The following SUSD6 variants were observed in gnomAD, a reference collection of about 807,000 sequenced individuals.
SUSD6 encodes sushi domain containing 6.
Under a neutral mutation model 28.4 loss-of-function variants are expected in SUSD6, and 16 were observed. The ratio of observed to expected loss-of-function variants is 0.56; its 90% CI spans 0.38 to 0.86. The LOEUF (loss-of-function observed/expected upper bound fraction) is 0.86. SUSD6 is among the 40% of genes least tolerant of loss of function. SUSD6 has a pLI of 0.00. For synonymous variants in SUSD6, 147 were observed against 159.6 expected (o/e 0.92, Z 0.59); for missense variants, 341 against 384.2 (o/e 0.89, Z 0.94).
chr14:69,625,250 TAA>T (rs1270367203), intron 1 of SUSD6, among the ~76,000 whole-genome samples: 2 of 152,246 alleles, frequency 1.3e-5, no homozygotes, highest in Non-Finnish European at 2.9e-5. Flanking sequence ...TCTAGATGGT[TAA>T]GCAGTTAACT....
At chr14:69,649,397 T>A (rs920498518) in intron 1 of SUSD6, among the ~76,000 whole-genome samples, 1 of 152,206 alleles carries the variant, frequency 6.6e-6, no homozygotes, top group African/African-American at 2.4e-5. Flanking sequence ...AGCAGAGAGA[T>A]GTGATGACAC....
chr14:69,691,894 C>T (rs1886158048), intron 2 of SUSD6, among the ~76,000 whole-genome samples: 1 of 152,060 alleles, frequency 6.6e-6, no homozygotes, highest in South Asian at 2.1e-4. Context: ...CAAAAATTAG[C>T]CCGGTGTGGT....
intron 2 of SUSD6, among the ~76,000 whole-genome samples, chr14:69,693,561 T>G (rs1161472457): frequency 1.3e-5 from 2 of 152,232 alleles, no homozygotes; most frequent in Non-Finnish European, 2.9e-5. Flanking sequence ...AATAATCCTT[T>G]TTCTTTTTAC....
chr14:69,705,815 C>T (rs561060321), intron 4 of SUSD6, among the ~76,000 whole-genome samples: 7 of 152,200 alleles, frequency 4.6e-5, no homozygotes, highest in Admixed American at 1.3e-4. Flanking sequence ...TGTCTAGGGG[C>T]GAGGAGCATG....
chr14:69,668,641 A>AG (rs1885781132), intron 2 of SUSD6, among the ~76,000 whole-genome samples: 1 of 151,442 alleles, frequency 6.6e-6, no homozygotes, highest in Admixed American at 6.6e-5. Flanking sequence ...GTCTCAAAAA[A>AG]AAAAAAAGAA....
intron 1 of SUSD6, among the ~76,000 whole-genome samples, chr14:69,653,896 C>T (rs906840335): frequency 3.9e-5 from 6 of 152,036 alleles, no homozygotes; most frequent in Non-Finnish European, 5.9e-5. Flanking sequence ...TGGGTTCTCC[C>T]ATTCTGGGCA....
chr14:69,651,946 G>C (rs993470225), intron 1 of SUSD6, among the ~76,000 whole-genome samples: 17 of 152,122 alleles, frequency 1.1e-4, no homozygotes, highest in Admixed American at 3.3e-4. Context: ...TGTAATTAGC[G>C]GGTTAATTTC....
chr14:69,626,011 G>C (rs1350090377), intron 1 of SUSD6, among the ~76,000 whole-genome samples: 4 of 152,130 alleles, frequency 2.6e-5, no homozygotes, highest in Non-Finnish European at 5.9e-5. Context: ...AGAACAATCT[G>C]CCTGTTTGTG....
intron 2 of SUSD6, among the ~76,000 whole-genome samples, chr14:69,667,439 C>T (rs1020571426): frequency 4.8e-5 from 7 of 145,100 alleles, no homozygotes; most frequent in Admixed American, 2.8e-4. Flanking sequence ...TGCAGTGGTG[C>T]AATCTCGGCT....
chr14:69,675,564 A>C (rs901874658), intron 2 of SUSD6, among the ~76,000 whole-genome samples: 2 of 151,870 alleles, frequency 1.3e-5, no homozygotes, highest in African/African-American at 2.4e-5. Flanking sequence ...CTTGGGCCTG[A>C]AGAGGAATAA....
At chr14:69,645,394 C>T (rs1382556237) in intron 1 of SUSD6, among the ~76,000 whole-genome samples, 1 of 152,220 alleles carries the variant, frequency 6.6e-6, no homozygotes, top group Non-Finnish European at 1.5e-5. Flanking sequence ...TTTTTCCATT[C>T]ATGAATCCTA....
Position 69,632,652 on chromosome 14 carries a change from TA to T in SUSD6, c.-81+20836del, listed in dbSNP as rs200111208. Among the ~76,000 whole-genome samples, 400 of 143,724 alleles carry T rather than the reference TA, an allele frequency of 2.8e-3. 2 individuals are homozygous for T. The highest frequency in any genetic ancestry group is 4.1e-3 in the Non-Finnish European group (267 of 65,512). The allele number at this position is 143,724 out of a possible 152,430, so 94.3% of individuals were successfully genotyped here. A position where few individuals can be genotyped will look rare whatever the true frequency, so the allele number is the denominator to read the frequency against. On this transcript the variant is annotated intron_variant, in intron 1 of 5. Transcript: ENST00000342745. The stretch of plus-strand genomic sequence containing the variant: ...AATTACAGGAAATCACAACTAGCAT[TA>T]AAAAAAAAAAACAAAACACTGGGCA...
At chr14:69,695,863 A>G (rs1886217868) in intron 2 of SUSD6, among the ~76,000 whole-genome samples, 1 of 152,186 alleles carries the variant, frequency 6.6e-6, no homozygotes, top group African/African-American at 2.4e-5. Context: ...TGTTATTAGG[A>G]GGCTTCAGAA....
At chr14:69,652,117 A>C (rs371778583) in intron 1 of SUSD6, among the ~76,000 whole-genome samples, 2 of 152,270 alleles carry the variant, frequency 1.3e-5, no homozygotes, top group African/African-American at 4.8e-5. Flanking sequence ...AAAAGGATTT[A>C]TGTTGGTTTT....
chr14:69,626,184 A>G (rs1460302121), intron 1 of SUSD6, among the ~76,000 whole-genome samples: 1 of 151,224 alleles, frequency 6.6e-6, no homozygotes, highest in African/African-American at 2.4e-5. Context: ...TCCTCCTCAA[A>G]CTCAGTCCTG....
intron 1 of SUSD6, among the ~76,000 whole-genome samples, chr14:69,642,509 C>T (rs954059554): frequency 3.9e-5 from 6 of 152,176 alleles, no homozygotes; most frequent in African/African-American, 1.4e-4. Flanking sequence ...AAAGGCACTT[C>T]TTACATGGTG....
chr14:69,699,324 C>G (rs1171152998), intron 2 of SUSD6, among the ~76,000 whole-genome samples: 2 of 152,120 alleles, frequency 1.3e-5, no homozygotes, highest in Non-Finnish European at 2.9e-5. Flanking sequence ...GTGCCTCAGC[C>G]TCCTGAGTAG....
chr14:69,643,333 T>G (rs1330141705), intron 1 of SUSD6, among the ~76,000 whole-genome samples: 1 of 152,220 alleles, frequency 6.6e-6, no homozygotes, highest in Non-Finnish European at 1.5e-5. Flanking sequence ...ACAAATCTTA[T>G]GGTAATTCAG....
intron 4 of SUSD6, among the ~76,000 whole-genome samples, chr14:69,705,663 T>C (rs1886377920): frequency 6.6e-6 from 1 of 152,234 alleles, no homozygotes; most frequent in Admixed American, 6.5e-5. Context: ...AACCCTGGCA[T>C]TCACTTTTTA....
Sources: allele counts gnomAD v4.1 joint callset (sites outside exome capture counted in the v4.1 genomes callset), GRCh38; gene constraint gnomAD v4.1.1; transcripts MANE v1.5; gene names NCBI Gene and HGNC (gene_info 2026-07-23, HGNC 2026-07-21).